SLC25A46: variants seen among roughly 807,000 people sequenced by gnomAD.
SLC25A46 encodes the protein mitochondrial outer membrane protein SLC25A46.
In SLC25A46, 39 loss-of-function variants were observed where a neutral mutation model predicts 44.6. The observed-to-expected ratio is 0.87, with a 90% CI of 0.68 to 1.14. The LOEUF is 1.14. Ranked by LOEUF, SLC25A46 falls within the 50% of genes most tolerant of loss-of-function variation. The pLI is 0.00. For synonymous variants in SLC25A46, 202 were observed against 185.8 expected, an observed-to-expected ratio of 1.09 and a Z score of -0.71; for missense variants, 547 against 522.7, an observed-to-expected ratio of 1.05 and a Z score of -0.45.
chr5:110,743,778 C>T lies in SLC25A46; in HGVS notation c.375C>T (p.Arg125=). Residue 125 remains arginine (R), a synonymous_variant, in exon 3 of 8, where the codon CGC becomes CGT. Transcript: ENST00000355943. The part of the protein sequence containing the change: ...VLAHPCIVLR[R]QCQVNYHAQH... ...CACATCCTTGCATTGTTCTACGCCG[C>T]CAATGTCAGGTAAATGTAATTTCTG... The T allele has an allele frequency of 6.2e-7, 1 of 1,604,366 alleles. No homozygotes were observed. Among genetic ancestry groups the T allele is most frequent in the East Asian group, 2.2e-5 (1 of 44,508 alleles).
intron 2 of SLC25A46, among the ~76,000 whole-genome samples, chr5:110,743,136 G>C (rs971074605): frequency 6.6e-6 from 1 of 151,900 alleles, no homozygotes; most frequent in African/African-American, 2.4e-5. Flanking sequence ...GTCACTCTGA[G>C]ACCTGAAACC....
chr5:110,752,288 G>T (rs549548354), intron 5 of SLC25A46, among the ~76,000 whole-genome samples: 1 of 152,088 alleles, frequency 6.6e-6, no homozygotes, highest in African/African-American at 2.4e-5. Flanking sequence ...AGCCAGGATC[G>T]TCATGTGTGA....
Position 110,761,258 on chromosome 5 carries a change from G to A in SLC25A46, c.733G>A (p.Gly245Arg), listed in dbSNP as rs143029135. The change falls in exon 8 of 8, where the codon GGA becomes AGA. Residue 245 changes from glycine to arginine, a missense_variant. Transcript: ENST00000355943. This position sits in a 1 kb window ranked among gnomAD's most constrained non-coding sequence, Gnocchi z 5.3. ...TTTGGAGTGTGTTAAAGAAGGAATT[G>A]GAAGAGTGATAGGCATGGGAGTGCC... ...GILECVKEGI[G>R]RVIGMGVPHS... is the part of the protein sequence containing the mutation. 2.7e-5 allele frequency: 44 copies of A among 1,613,236 alleles called. No homozygotes were observed. In the African/African-American group the frequency reaches 5.9e-4, roughly 22 times the overall value.
At position 110,761,319 on chromosome 5, in the gene SLC25A46, T is replaced by C; in HGVS notation, c.794T>C (p.Ile265Thr). 1.2e-6 allele frequency: 2 copies of C among 1,613,836 alleles called. No homozygotes were observed. Among genetic ancestry groups the C allele is most frequent in the Non-Finnish European group, 1.7e-6 (2 of 1,179,826 alleles). The change falls in exon 8 of 8, where the codon ATC becomes ACC. Residue 265 changes from isoleucine (I) to threonine (T), a missense_variant. Coordinates refer to ENST00000355943, the MANE Select transcript of SLC25A46 (RefSeq NM_138773.4). This position sits in a 1 kb window ranked among gnomAD's most constrained non-coding sequence, Gnocchi z 5.3. Reference protein sequence around the residue: ...SKRLLPLLSLIFPTVLHGVLH... With the variant: ...SKRLLPLLSLTFPTVLHGVLH... ...CGACTTCTTCCGCTTCTTTCCTTGA[T>C]CTTCCCTACGGTGCTTCATGGAGTT...
chr5:110,739,854 A>C (rs886551856), intron 1 of SLC25A46, among the ~76,000 whole-genome samples: 1 of 152,182 alleles, frequency 6.6e-6, no homozygotes, highest in East Asian at 1.9e-4. Flanking sequence ...TCGTAATCTG[A>C]ACAACTTAAC....
chr5:110,759,137 T>A (rs950506367), intron 7 of SLC25A46, among the ~76,000 whole-genome samples: 9 of 152,154 alleles, frequency 5.9e-5, no homozygotes, highest in Non-Finnish European at 8.8e-5. Context: ...TCATAGCACT[T>A]ATATTCTTAT....
At position 110,761,494 on chromosome 5, in the gene SLC25A46, CAGT is replaced by C. The variant is rs749235590; in HGVS notation, c.970_972del (p.Ser324del). The stretch of plus-strand genomic sequence containing the variant: ...CAGAACTTATTGCTAACTTTGCTGC[CAGT>C]CTTTGTTCTGACGTTATACTTTACC... On this transcript the variant is annotated inframe_deletion, in exon 8 of 8. Transcript: ENST00000355943. This position sits in a 1 kb window ranked among gnomAD's most constrained non-coding sequence, Gnocchi z 5.3. 2 of 1,613,776 alleles carry C rather than the reference CAGT, an allele frequency of 1.2e-6. No homozygotes were observed. The highest frequency in any genetic ancestry group is 1.7e-6 in the Non-Finnish European group (2 of 1,179,794).
chr5:110,758,873 C>T (rs1800178058), intron 7 of SLC25A46, among the ~76,000 whole-genome samples: 1 of 152,110 alleles, frequency 6.6e-6, no homozygotes, highest in Admixed American at 6.5e-5. Flanking sequence ...TTTCAAGTTG[C>T]AATACTTATA....
chr5:110,746,380 A>C, intron 4 of SLC25A46, 34 bp downstream of exon 4: 2 of 1,407,508 alleles, frequency 1.4e-6, no homozygotes, highest in Non-Finnish European at 1.9e-6. Flanking sequence ...TTAAAGGTTT[A>C]TATAAGTGTC....
intron 5 of SLC25A46, among the ~76,000 whole-genome samples, chr5:110,750,599 A>G (rs146966018): frequency 8.4e-4 from 128 of 152,316 alleles, no homozygotes; most frequent in African/African-American, 3.0e-3. Context: ...TCCTTGTAAT[A>G]CCAAATACAA....
intron 5 of SLC25A46, among the ~76,000 whole-genome samples, chr5:110,749,860 A>T (rs1486062508): frequency 6.6e-6 from 1 of 152,134 alleles, no homozygotes; most frequent in African/African-American, 2.4e-5. Context: ...TAATATTGGA[A>T]ATTAGAAATT....
chr5:110,748,028 TGTA>T (rs931715628), intron 4 of SLC25A46, 132 bp from the exon 5 acceptor site: 40 of 591,420 alleles, frequency 6.8e-5, no homozygotes, highest in Non-Finnish European at 5.9e-6. Flanking sequence ...TAAAATTAAT[TGTA>T]GTTCTCTACT....
At chr5:110,759,907 A>G (rs936661244) in intron 7 of SLC25A46, among the ~76,000 whole-genome samples, 1 of 152,138 alleles carries the variant, frequency 6.6e-6, no homozygotes, top group African/African-American at 2.4e-5. Context: ...AGACTCCCAC[A>G]TTTATAATAC....
chr5:110,744,078 T>C (rs1052708415), intron 3 of SLC25A46, among the ~76,000 whole-genome samples: 1 of 152,186 alleles, frequency 6.6e-6, no homozygotes, highest in African/African-American at 2.4e-5. Context: ...TAAGATAATA[T>C]GTTTTTATGA....
In SLC25A46 at chr5:110,761,396, A is replaced by C. The variant is rs1168746293; in HGVS notation, c.871A>C (p.Lys291Gln). Reference protein sequence around the residue: ...VIQKFVLLILKRKTYNSHLAE... With the variant: ...VIQKFVLLILQRKTYNSHLAE... Reference sequence around the variant, plus strand: ...TCAGAAGTTTGTCCTACTAATTCTAAAGAGAAAGACTTACAATAGCCACCT... The same window carrying C: ...TCAGAAGTTTGTCCTACTAATTCTACAGAGAAAGACTTACAATAGCCACCT... Residue 291 changes from lysine (K) to glutamine (Q), a missense_variant, in exon 8 of 8, where the codon AAG (lysine) becomes CAG (glutamine). Lys to Gln is a moderately conservative substitution (Grantham distance 53). Coordinates refer to ENST00000355943, the MANE Select transcript of SLC25A46 (RefSeq NM_138773.4). This position sits in a 1 kb window ranked among gnomAD's most constrained non-coding sequence, Gnocchi z 5.3. 1 of 1,613,662 alleles carries C rather than the reference A, an allele frequency of 6.2e-7. No individual in the cohort carries two copies. The highest frequency in any genetic ancestry group is 1.3e-5 in the African/African-American group (1 of 74,874).
chr5:110,742,044 T>C lies in SLC25A46; in HGVS notation c.284-3T>C, dbSNP rs770457308. 1.3e-5 allele frequency: 20 copies of C among 1,565,780 alleles called. No individual in the cohort carries two copies. The highest frequency in any genetic ancestry group is 1.7e-5 in the Non-Finnish European group (19 of 1,150,148). On this transcript the variant is annotated splice_polypyrimidine_tract_variant and splice_region_variant and intron_variant, in intron 1 of 7. Transcript: ENST00000355943. ...TTTTTATTTCTATTTTTTTTTACTT[T>C]AGAACAGCTGAATAGATTTGCTGGA... is the stretch of plus-strand genomic sequence containing the variant.
chr5:110,756,236 G>GTT lies in SLC25A46; in HGVS notation c.621-452_621-451dup, dbSNP rs5870419. The GTT allele has an allele frequency of 1.5e-3, 212 of 141,168 alleles. 4 individuals carry two copies. The highest frequency in any genetic ancestry group is 3.6e-3 in the Middle Eastern group (1 of 274). The allele number at this position is 141,168 out of a possible 1,614,324, so 8.7% of individuals were successfully genotyped here. On this transcript the variant is annotated intron_variant, in intron 6 of 7. Transcript: ENST00000355943. ...AAACAACTTTGCAAAGCTGTATAAT[G>GTT]TTTTTTTTTTTTTTTAATAATAAAA... is the stretch of plus-strand genomic sequence containing the variant.
At chr5:110,740,460 T>C (rs1373469073) in intron 1 of SLC25A46, among the ~76,000 whole-genome samples, 2 of 152,168 alleles carry the variant, frequency 1.3e-5, no homozygotes, top group Admixed American at 6.5e-5. Flanking sequence ...AGTTATGCTT[T>C]GGTGGTTACA....
intron 5 of SLC25A46, chr5:110,754,398 T>C (rs972039278): frequency 6.0e-5 from 9 of 151,084 alleles, no homozygotes; most frequent in African/African-American, 2.2e-4. Context: ...TTTTTTTTTC[T>C]TTTCTTTTTT....
Sources: gnomAD v4.1 joint callset for allele counts (sites outside exome capture counted in the v4.1 genomes callset) on GRCh38, gnomAD v4.1.1 for gene constraint, Gnocchi (gnomAD v3.1) non-coding constraint, MANE v1.5 for transcripts, NCBI Gene and HGNC (gene_info 2026-07-23, HGNC 2026-07-21) for gene names.